Variants in ARHGEF28 observed in about 807,000 individuals in gnomAD.
The protein encoded by ARHGEF28 is 190 kDa guanine nucleotide exchange factor.
A neutral mutation model predicts 206.6 loss-of-function variants in ARHGEF28; 152 were observed. The ratio of observed to expected loss-of-function variants is 0.74; its 90% CI spans 0.64 to 0.84. The LOEUF (loss-of-function observed/expected upper bound fraction) is 0.84. Ranked by LOEUF, ARHGEF28 falls within the 40% of genes least tolerant of loss-of-function variation. The pLI, the probability that ARHGEF28 is intolerant of heterozygous loss-of-function variation, is 0.00. For missense variants in ARHGEF28, 2,028 were observed against 2,073.2 expected (o/e 0.98, Z 0.42); for synonymous variants, 763 against 776.4 (o/e 0.98, Z 0.29).
intron 1 of ARHGEF28, among the ~76,000 whole-genome samples, chr5:73,654,852 A>G (rs1182479954): frequency 6.6e-6 from 1 of 152,180 alleles, no homozygotes; most frequent in Non-Finnish European, 1.5e-5. Context: ...AAGTCAAGGC[A>G]TGTGAAAACC....
intron 2 of ARHGEF28, among the ~76,000 whole-genome samples, chr5:73,688,085 C>G (rs1044652903): frequency 1.3e-5 from 2 of 152,092 alleles, no homozygotes; most frequent in Non-Finnish European, 2.9e-5. Context: ...TGTGAAGAAT[C>G]CATTACATAT....
intron 1 of ARHGEF28, among the ~76,000 whole-genome samples, chr5:73,673,184 G>A (rs1580466503): frequency 6.6e-6 from 1 of 152,120 alleles, no homozygotes; most frequent in South Asian, 2.1e-4. Flanking sequence ...CATTGTGCTG[G>A]CATTGAAGGT....
At chr5:73,652,165 C>T (rs1167513936) in intron 1 of ARHGEF28, among the ~76,000 whole-genome samples, 2 of 152,050 alleles carry the variant, frequency 1.3e-5, no homozygotes, top group Admixed American at 6.6e-5. Context: ...ATATAAAAGA[C>T]AATATGATCT....
intron 9 of ARHGEF28, among the ~76,000 whole-genome samples, chr5:73,798,330 AT>A (rs375072412): frequency 1.2e-4 from 18 of 150,972 alleles, no homozygotes; most frequent in South Asian, 6.3e-4. Context: ...CATTCTTTCC[AT>A]TTTTTTTTGT....
At chr5:73,852,064 A>T (rs1382105345) in intron 13 of ARHGEF28, among the ~76,000 whole-genome samples, 1 of 152,102 alleles carries the variant, frequency 6.6e-6, no homozygotes, top group Non-Finnish European at 1.5e-5. Context: ...TGGAAACAAG[A>T]TGGCTCCAAG....
At chr5:73,783,382 G>A (rs796119578) in intron 7 of ARHGEF28, among the ~76,000 whole-genome samples, 9,164 of 142,422 alleles carry the variant, frequency 0.064, 350 homozygotes, top group African/African-American at 0.12. Context: ...GTGTGTGTGT[G>A]TGTATGTGTG....
Position 73,867,990 on chromosome 5 carries a change from C to T in ARHGEF28, c.2267C>T (p.Ser756Phe). 1 of 1,613,944 alleles carries T rather than the reference C, an allele frequency of 6.2e-7. No homozygotes were observed. The highest frequency in any genetic ancestry group is 8.5e-7 in the Non-Finnish European group (1 of 1,179,864). Residue 756 changes from serine to phenylalanine, a missense_variant, in exon 19 of 36, where the codon TCC becomes TTC. This residue lies in a region of ARHGEF28 where 1,002 missense variants were observed against 1,015.3 expected (regional missense o/e 0.99). Coordinates refer to ENST00000513042, the MANE Select transcript of ARHGEF28 (RefSeq NM_001177693.2). ...ACTGTGGGACAGGTCCATCCATTGT[C>T]CAGAAGTGTTCCAGGCACCACCTTG... The part of the protein sequence containing the change: ...RETVGQVHPL[S>F]RSVPGTTLES...
chr5:73,730,645 C>T (rs1446229900), intron 2 of ARHGEF28, among the ~76,000 whole-genome samples: 1 of 151,604 alleles, frequency 6.6e-6, no homozygotes, highest in African/African-American at 2.4e-5. Flanking sequence ...GGTGATCCTC[C>T]TACCTCAGGC....
At chr5:73,802,159 T>C (rs1435917434) in intron 9 of ARHGEF28, among the ~76,000 whole-genome samples, 1 of 152,170 alleles carries the variant, frequency 6.6e-6, no homozygotes, top group Admixed American at 6.5e-5. Flanking sequence ...AGGCAAACTT[T>C]GGGGGGAAAA....
chr5:73,633,380 A>G (rs1044666441), intron 1 of ARHGEF28, among the ~76,000 whole-genome samples: 4 of 152,078 alleles, frequency 2.6e-5, no homozygotes, highest in Non-Finnish European at 5.9e-5. Flanking sequence ...TAGCAGCTGC[A>G]GGTCAGAGAG....
intron 1 of ARHGEF28, among the ~76,000 whole-genome samples, chr5:73,650,086 A>T (rs1459955980): frequency 6.6e-6 from 1 of 151,826 alleles, no homozygotes; most frequent in East Asian, 1.9e-4. Context: ...TTAAACAGGA[A>T]CCCTGATTCT....
At chr5:73,734,695 C>T (rs1395583255) in intron 2 of ARHGEF28, among the ~76,000 whole-genome samples, 1 of 152,160 alleles carries the variant, frequency 6.6e-6, no homozygotes, top group Non-Finnish European at 1.5e-5. Context: ...ATCTTCTAAA[C>T]AGATGGTAAG....
chr5:73,714,591 T>G (rs1408032436), intron 2 of ARHGEF28, among the ~76,000 whole-genome samples: 4 of 152,178 alleles, frequency 2.6e-5, no homozygotes, highest in African/African-American at 4.8e-5. Context: ...GGTATCTACA[T>G]CAACACAATT....
At chr5:73,728,586 C>T (rs1267144387) in intron 2 of ARHGEF28, among the ~76,000 whole-genome samples, 1 of 152,196 alleles carries the variant, frequency 6.6e-6, no homozygotes, top group Non-Finnish European at 1.5e-5. Context: ...TTTTCCTTCT[C>T]GTCCAGAAAG....
At chr5:73,687,330 A>G (rs935911136) in intron 2 of ARHGEF28, among the ~76,000 whole-genome samples, 8 of 152,002 alleles carry the variant, frequency 5.3e-5, no homozygotes, top group African/African-American at 1.9e-4. Flanking sequence ...GTAGAATATT[A>G]AATGTATATT....
At chr5:73,858,946 C>T (rs904256989) in intron 16 of ARHGEF28, among the ~76,000 whole-genome samples, 3 of 152,152 alleles carry the variant, frequency 2.0e-5, no homozygotes, top group South Asian at 2.1e-4. Flanking sequence ...TGCTGTTTTT[C>T]GAACATGGCA....
At chr5:73,901,011 C>G in intron 30 of ARHGEF28, 173 bp from the exon 31 acceptor site, 1 of 541,138 alleles carries the variant, frequency 1.8e-6, no homozygotes, top group South Asian at 2.0e-5. Flanking sequence ...GGGCAGGGAC[C>G]ACATGCATTG....
chr5:73,710,145 A>G (rs902562333), intron 2 of ARHGEF28, among the ~76,000 whole-genome samples: 3 of 152,224 alleles, frequency 2.0e-5, no homozygotes, highest in African/African-American at 7.2e-5. Flanking sequence ...TCTGTTTTCC[A>G]AAGTAGCTGT....
At chr5:73,650,277 CTTTTTTTT>C (rs138217794) in intron 1 of ARHGEF28, among the ~76,000 whole-genome samples, 2 of 94,030 alleles carry the variant, frequency 2.1e-5, no homozygotes, top group Non-Finnish European at 4.0e-5. Flanking sequence ...TTCTTTCTTT[CTTTTTTTT>C]TTTTTTTTTT....
Sources: allele counts gnomAD v4.1 joint callset (sites outside exome capture counted in the v4.1 genomes callset), GRCh38; gene constraint gnomAD v4.1.1; regional missense constraint gnomAD v4.1.1; transcripts MANE v1.5; gene names NCBI Gene and HGNC (gene_info 2026-07-23, HGNC 2026-07-21).